The following ITPR1 variants were observed in gnomAD, a reference collection of about 807,000 sequenced individuals.
ITPR1 encodes the protein inositol 1,4,5-trisphosphate receptor type 1.
Under a neutral mutation model 318.4 loss-of-function variants are expected in ITPR1, and 96 were observed. The ratio of observed to expected loss-of-function variants is 0.30; its 90% confidence interval spans 0.26 to 0.36. The LOEUF (loss-of-function observed/expected upper bound fraction) is 0.36. Among genes scored for constraint, ITPR1 ranks in the 10% least tolerant of loss-of-function variants. The probability of loss-of-function intolerance (pLI) is 1.00; values close to 1 mark genes in which losing one functional copy is unlikely to be tolerated. For missense variants in ITPR1, 2,440 were observed against 3,460.2 expected (o/e 0.71, Z 7.40); for synonymous variants, 1,312 against 1,289.9 (o/e 1.02, Z -0.37).
intron 42 of ITPR1, among the ~76,000 whole-genome samples, chr3:4,732,871 A>G (rs890784211): frequency 6.6e-6 from 1 of 152,212 alleles, no homozygotes; most frequent in Non-Finnish European, 1.5e-5. Context: ...ACTTCAGTCA[A>G]TATTTTAGAT....
chr3:4,542,321 A>G (rs969719796), intron 4 of ITPR1, among the ~76,000 whole-genome samples: 5 of 151,850 alleles, frequency 3.3e-5, no homozygotes, highest in Non-Finnish European at 5.9e-5. Context: ...TTTTTTTGGC[A>G]TTTCATCTGT....
chr3:4,651,453 A>T (rs1385601682), intron 10 of ITPR1, among the ~76,000 whole-genome samples: 1 of 152,226 alleles, frequency 6.6e-6, no homozygotes, highest in Non-Finnish European at 1.5e-5. Flanking sequence ...ACCCTCAGGT[A>T]GAAAATCAAA....
In ITPR1 at chr3:4,612,423, A is replaced by G. The variant is rs570187716; in HGVS notation, c.164-15340A>G. On this transcript the variant is annotated intron_variant, in intron 4 of 61. Coordinates refer to ENST00000649015, the MANE Select transcript of ITPR1 (RefSeq NM_001378452.1). ...GAATCCAAGGGGTGTCCTGGGCCCA[A>G]TCCCCCATGGATACCAAAGGACAAT... Among the ~76,000 whole-genome samples, 176 of 152,188 alleles carry G rather than the reference A, an allele frequency of 1.2e-3. 1 individual carries two copies. The highest frequency in any genetic ancestry group is 3.9e-3 in the African/African-American group (160 of 41,518).
intron 4 of ITPR1, among the ~76,000 whole-genome samples, chr3:4,577,116 G>C (rs1462660137): frequency 6.6e-6 from 1 of 152,166 alleles, no homozygotes; most frequent in African/African-American, 2.4e-5. Flanking sequence ...AGTTATATGT[G>C]GTAGAGTTGC....
At chr3:4,633,183 G>T (rs1324862993) in intron 5 of ITPR1, among the ~76,000 whole-genome samples, 1 of 152,048 alleles carries the variant, frequency 6.6e-6, no homozygotes, top group Admixed American at 6.6e-5. Flanking sequence ...TGATCCACCT[G>T]CCTTGGCCTG....
Position 4,514,653 on chromosome 3 carries a change from T to C in ITPR1, c.-16-1823T>C, listed in dbSNP as rs1172527990. Among the ~76,000 whole-genome samples the C allele has an allele frequency of 3.9e-5, 6 of 152,286 alleles. No individual in the cohort carries two copies. The South Asian group carries it at 1.0e-3, about 26-fold the overall frequency. On this transcript the variant is annotated intron_variant, in intron 2 of 61. Transcript: ENST00000649015. ...GGAGCACATACCTGCTCTTCTGCAT[T>C]TGGAAATTCCCTGGTGTCCTTTCGG...
chr3:4,625,957 C>T (rs764034266), intron 4 of ITPR1, among the ~76,000 whole-genome samples: 1 of 152,100 alleles, frequency 6.6e-6, no homozygotes, highest in East Asian at 1.9e-4. Flanking sequence ...ATATTGGTTT[C>T]CTAGAGTAGT....
intron 40 of ITPR1, 90 bp downstream of exon 40, chr3:4,717,489 C>A: frequency 1.9e-6 from 2 of 1,029,076 alleles, no homozygotes; most frequent in Non-Finnish European, 3.0e-6. Context: ...TTCCTCTAGT[C>A]TCACAGCGTC....
intron 4 of ITPR1, among the ~76,000 whole-genome samples, chr3:4,554,061 T>A (rs1009215636): frequency 4.8e-4 from 73 of 152,346 alleles, no homozygotes; most frequent in African/African-American, 1.7e-3. Context: ...ATTATTAATT[T>A]TAAAAAGAAC....
At chr3:4,777,513 G>A (rs1375746103) in intron 48 of ITPR1, 139 bp downstream of exon 48, 1 of 622,522 alleles carries the variant, frequency 1.6e-6, no homozygotes, top group East Asian at 2.8e-5. Context: ...CAGGTTGCTA[G>A]TGCTGACTAC....
At chr3:4,784,348 G>C (rs993165752) in intron 51 of ITPR1, among the ~76,000 whole-genome samples, 3 of 152,122 alleles carry the variant, frequency 2.0e-5, no homozygotes, top group African/African-American at 7.2e-5. Flanking sequence ...CCCAGACGTG[G>C]GAAGATTCTA....
At chr3:4,665,085 T>G (rs1212781539) in intron 16 of ITPR1, 53 bp from the exon 17 acceptor site, 25 of 1,593,888 alleles carry the variant, frequency 1.6e-5, no homozygotes, top group Non-Finnish European at 1.9e-5. Flanking sequence ...AACAGAGGGT[T>G]AGCTTTGAAG....
intron 46 of ITPR1, among the ~76,000 whole-genome samples, chr3:4,773,005 G>A (rs529053136): frequency 2.0e-5 from 3 of 152,360 alleles, no homozygotes; most frequent in South Asian, 4.1e-4. Flanking sequence ...ATTTCATCCA[G>A]TGTTTACAAT....
chr3:4,838,955 G>A (rs1252884828), intron 61 of ITPR1, among the ~76,000 whole-genome samples: 1 of 152,252 alleles, frequency 6.6e-6, no homozygotes, highest in East Asian at 1.9e-4. Context: ...GAGTGATTCT[G>A]ACTCTGCTTC....
At chr3:4,699,674 A>G in intron 34 of ITPR1, 139 bp from the exon 35 acceptor site, 1 of 684,464 alleles carries the variant, frequency 1.5e-6, no homozygotes, top group Non-Finnish European at 2.4e-6. Flanking sequence ...TATTATTATG[A>G]TTCCTTAAGG....
chr3:4,742,016 G>A (rs2043740864), intron 44 of ITPR1, among the ~76,000 whole-genome samples: 1 of 152,158 alleles, frequency 6.6e-6, no homozygotes, highest in African/African-American at 2.4e-5. Flanking sequence ...TCCCCAGCAG[G>A]CGTCCCCAGA....
At chr3:4,749,412 C>T (rs970596899) in intron 44 of ITPR1, 5 of 152,178 alleles carry the variant, frequency 3.3e-5, no homozygotes, top group African/African-American at 1.2e-4. Context: ...ACCCCCTGAG[C>T]TGATTATAGC....
chr3:4,529,199 G>A (rs577739939), intron 4 of ITPR1, among the ~76,000 whole-genome samples: 1 of 152,298 alleles, frequency 6.6e-6, no homozygotes, highest in African/African-American at 2.4e-5. Flanking sequence ...GTAGACCTCA[G>A]ACCCCTCTTT....
At chr3:4,503,420 A>G (rs907166883) in intron 2 of ITPR1, among the ~76,000 whole-genome samples, 2 of 152,176 alleles carry the variant, frequency 1.3e-5, no homozygotes, top group African/African-American at 4.8e-5. Context: ...AAAAATAAAA[A>G]TACCTGCTTC....
Sources: gnomAD v4.1 joint callset for allele counts (sites outside exome capture counted in the v4.1 genomes callset) on GRCh38, gnomAD v4.1.1 for gene constraint, MANE v1.5 for transcripts, NCBI Gene and HGNC (gene_info 2026-07-23, HGNC 2026-07-21) for gene names.